The following EXOC4 variants were observed in gnomAD, a reference collection of about 807,000 sequenced individuals.
EXOC4 encodes exocyst complex component 4, also known as SEC8-like 1.
A neutral mutation model predicts 107.2 loss-of-function variants in EXOC4; 71 were observed. The ratio of observed to expected loss-of-function variants is 0.66; its 90% CI spans 0.55 to 0.81. EXOC4 has a LOEUF of 0.81. Among genes scored for constraint, EXOC4 ranks in the 30% least tolerant of loss-of-function variants. The probability of loss-of-function intolerance (pLI) is 0.00; values close to 1 mark genes in which losing one functional copy is unlikely to be tolerated. For synonymous variants in EXOC4, 456 were observed against 441.2 expected (o/e 1.03, Z -0.42); for missense variants, 1,108 against 1,189.6 (o/e 0.93, Z 1.01).
intron 17 of EXOC4, chr7:134,010,098 T>C (rs1416137915): frequency 6.6e-6 from 1 of 152,210 alleles, no homozygotes; most frequent in Non-Finnish European, 1.5e-5. Flanking sequence ...AGCATAAAGA[T>C]ACAGCACTGG....
At chr7:133,831,712 G>A (rs1162865030) in intron 11 of EXOC4, among the ~76,000 whole-genome samples, 1 of 151,812 alleles carries the variant, frequency 6.6e-6, no homozygotes, top group African/African-American at 2.4e-5. Context: ...AACAAGATCT[G>A]GAGTTTTAGA....
chr7:133,444,598 G>A (rs1798177370), intron 7 of EXOC4, among the ~76,000 whole-genome samples: 1 of 152,168 alleles, frequency 6.6e-6, no homozygotes, highest in African/African-American at 2.4e-5. Context: ...CAGCACTGTA[G>A]GGTGTGATTT....
At chr7:133,470,658 C>T (rs1206129358) in intron 7 of EXOC4, among the ~76,000 whole-genome samples, 1 of 152,040 alleles carries the variant, frequency 6.6e-6, no homozygotes, top group Non-Finnish European at 1.5e-5. Flanking sequence ...TCAATTTTGA[C>T]TATTATTTTT....
intron 7 of EXOC4, among the ~76,000 whole-genome samples, chr7:133,400,596 T>C (rs867448375): frequency 6.6e-6 from 1 of 152,240 alleles, no homozygotes; most frequent in Non-Finnish European, 1.5e-5. Flanking sequence ...GAATCTAGTT[T>C]ATAGTTTTTC....
At chr7:133,675,978 G>A (rs59821244) in intron 10 of EXOC4, among the ~76,000 whole-genome samples, 12,466 of 152,032 alleles carry the variant, frequency 0.082, 559 homozygotes, top group Middle Eastern at 0.13. Flanking sequence ...TATGAATAAA[G>A]GATGTCTCAT....
chr7:133,282,099 C>T (rs926655307), intron 2 of EXOC4, among the ~76,000 whole-genome samples: 2 of 152,160 alleles, frequency 1.3e-5, no homozygotes, highest in East Asian at 3.8e-4. Context: ...TCTGGTCTTC[C>T]TCTCACAAAT....
At chr7:133,851,147 C>G (rs184467671) in intron 11 of EXOC4, among the ~76,000 whole-genome samples, 88 of 152,246 alleles carry the variant, frequency 5.8e-4, no homozygotes, top group African/African-American at 2.1e-3. Context: ...CCTTTGGGCA[C>G]TATTCTGGAG....
intron 5 of EXOC4, among the ~76,000 whole-genome samples, chr7:133,348,713 G>A (rs1201429294): frequency 1.3e-5 from 2 of 152,178 alleles, no homozygotes; most frequent in Non-Finnish European, 2.9e-5. Context: ...TTGCTGTGGG[G>A]TTGGTTTTGC....
chr7:133,981,896 A>C (rs902952919), intron 14 of EXOC4, among the ~76,000 whole-genome samples: 125 of 152,382 alleles, frequency 8.2e-4, no homozygotes, highest in African/African-American at 2.9e-3. Flanking sequence ...AATGTGGTCC[A>C]TATATACCAT....
At chr7:133,271,071 A>G (rs1199178084) in intron 1 of EXOC4, among the ~76,000 whole-genome samples, 1 of 151,964 alleles carries the variant, frequency 6.6e-6, no homozygotes, top group Non-Finnish European at 1.5e-5. Flanking sequence ...GGCACGGGCC[A>G]TTGCGCCTGG....
At chr7:133,662,125 T>A (rs1481132278) in intron 10 of EXOC4, among the ~76,000 whole-genome samples, 2 of 152,166 alleles carry the variant, frequency 1.3e-5, no homozygotes, top group African/African-American at 4.8e-5. Context: ...TTCACACAAC[T>A]GCAATTGTTA....
intron 7 of EXOC4, among the ~76,000 whole-genome samples, chr7:133,402,415 T>C (rs906506598): frequency 2.0e-5 from 3 of 152,218 alleles, no homozygotes; most frequent in African/African-American, 7.2e-5. Context: ...AGCATATGAA[T>C]CACAATCACT....
At chr7:133,361,079 G>T (rs546688841) in intron 6 of EXOC4, among the ~76,000 whole-genome samples, 1 of 152,100 alleles carries the variant, frequency 6.6e-6, no homozygotes, top group Admixed American at 6.5e-5. Context: ...TTGATTGCAA[G>T]AATAAATTCC....
intron 16 of EXOC4, among the ~76,000 whole-genome samples, chr7:134,005,556 C>T (rs561650200): frequency 1.3e-5 from 2 of 152,220 alleles, no homozygotes; most frequent in East Asian, 1.9e-4. Context: ...TTAGGAAGGA[C>T]GTGTCCATAA....
intron 17 of EXOC4, among the ~76,000 whole-genome samples, chr7:134,030,552 A>G (rs1296048585): frequency 6.6e-6 from 1 of 152,194 alleles, no homozygotes; most frequent in African/African-American, 2.4e-5. Context: ...ATGAGAGTGC[A>G]GTGCAGCCAC....
intron 17 of EXOC4, among the ~76,000 whole-genome samples, chr7:134,064,044 A>G (rs1398072303): frequency 6.6e-6 from 1 of 152,202 alleles, no homozygotes; most frequent in Non-Finnish European, 1.5e-5. Context: ...GAGCTGAGCC[A>G]CAGAAAGGTA....
At chr7:133,576,641 C>T (rs1272650589) in intron 9 of EXOC4, 1 of 1,289,568 alleles carries the variant, frequency 7.8e-7, no homozygotes, top group African/African-American at 1.5e-5. Context: ...TAAATGTGAT[C>T]TCACTCAGTT....
At chr7:134,084,740 A>C in the EXOC4 span, among the ~76,000 whole-genome samples, 1 of 144,230 alleles carries the variant, frequency 6.9e-6, no homozygotes, top group Admixed American at 6.9e-5. Flanking sequence ...ATTCACCAAA[A>C]GGACAGCCTC....
intron 7 of EXOC4, among the ~76,000 whole-genome samples, chr7:133,449,827 C>G (rs1798301091): frequency 6.6e-6 from 1 of 151,738 alleles, no homozygotes; most frequent in African/African-American, 2.4e-5. Flanking sequence ...TATCATCTCT[C>G]CTCCAGCTTT....
Sources: allele counts gnomAD v4.1 joint callset (sites outside exome capture counted in the v4.1 genomes callset), GRCh38; gene constraint gnomAD v4.1.1; transcripts MANE v1.5; gene names NCBI Gene and HGNC (gene_info 2026-07-23, HGNC 2026-07-21).